The following RB1 variants were observed in gnomAD, a reference collection of about 807,000 sequenced individuals.
RB1 encodes the protein RB transcriptional corepressor 1.
A neutral mutation model predicts 135.4 loss-of-function variants in RB1; 18 were observed. The observed-to-expected ratio is 0.13, with a 90% CI of 0.09 to 0.20. RB1 has a LOEUF of 0.20. Ranked by LOEUF, RB1 falls within the 10% of genes least tolerant of loss-of-function variation. The probability of loss-of-function intolerance (pLI) is 1.00; values close to 1 mark genes in which losing one functional copy is unlikely to be tolerated. For synonymous variants in RB1, 365 were observed against 373.2 expected, an observed-to-expected ratio of 0.98 and a Z score of 0.25; for missense variants, 868 against 1,110.0, an observed-to-expected ratio of 0.78 and a Z score of 3.10.
At chr13:48,433,583 C>A (rs1174907707) in intron 17 of RB1, among the ~76,000 whole-genome samples, 1 of 151,914 alleles carries the variant, frequency 6.6e-6, no homozygotes, top group Admixed American at 6.6e-5. Flanking sequence ...TAAATGAAAC[C>A]ATTTTTTATA....
intron 17 of RB1, among the ~76,000 whole-genome samples, chr13:48,397,413 T>C (rs1182802390): frequency 6.6e-6 from 1 of 152,112 alleles, no homozygotes; most frequent in Non-Finnish European, 1.5e-5. Flanking sequence ...AAACAACACA[T>C]GTTTTCACTT....
chr13:48,442,665 A>T (rs1482553535), intron 17 of RB1, among the ~76,000 whole-genome samples: 1 of 152,152 alleles, frequency 6.6e-6, no homozygotes, highest in Non-Finnish European at 1.5e-5. Flanking sequence ...CATTCAGATA[A>T]GTGACTATTT....
intron 17 of RB1, among the ~76,000 whole-genome samples, chr13:48,450,639 A>G (rs1309689925): frequency 6.6e-6 from 1 of 152,050 alleles, no homozygotes; most frequent in Non-Finnish European, 1.5e-5. Context: ...TGTCTTGGAT[A>G]TTTGCGCTCT....
chr13:48,304,235 T>G (rs1334277265), intron 1 of RB1, among the ~76,000 whole-genome samples, 186 bp downstream of exon 1: 2 of 151,148 alleles, frequency 1.3e-5, no homozygotes, highest in Non-Finnish European at 1.5e-5. Flanking sequence ...TCTGGGTTCT[T>G]GGGCGAGGGG....
At chr13:48,437,802 C>A (rs897361859) in intron 17 of RB1, among the ~76,000 whole-genome samples, 1 of 152,180 alleles carries the variant, frequency 6.6e-6, no homozygotes, top group African/African-American at 2.4e-5. Context: ...TGCCCTATGT[C>A]ATTGGCCCAC....
chr13:48,342,552 G>A (rs2138083302), intron 2 of RB1, 47 bp from the exon 3 acceptor site: 8 of 1,129,222 alleles, frequency 7.1e-6, no homozygotes, highest in Non-Finnish European at 9.4e-6. Context: ...AGTATCCAGT[G>A]TGTGAATTAT....
chr13:48,342,130 A>G (rs1952450092), intron 2 of RB1, among the ~76,000 whole-genome samples: 1 of 151,996 alleles, frequency 6.6e-6, no homozygotes, highest in Admixed American at 6.6e-5. Context: ...AGGAACTGAA[A>G]CATGAAATAC....
At chr13:48,360,274 A>G in intron 7 of RB1, 147 bp downstream of exon 7, 1 of 1,463,166 alleles carries the variant, frequency 6.8e-7, no homozygotes, top group East Asian at 2.5e-5. Context: ...TGTAAGTTAT[A>G]GAAGGAAAGA....
intron 17 of RB1, among the ~76,000 whole-genome samples, chr13:48,388,310 G>C (rs1948585602): frequency 6.6e-6 from 1 of 152,066 alleles, no homozygotes; most frequent in Non-Finnish European, 1.5e-5. Flanking sequence ...GATTGAATGA[G>C]GTTTGCTTGG....
intron 24 of RB1, chr13:48,476,419 C>G (rs1265363682): frequency 2.1e-5 from 8 of 385,168 alleles, no homozygotes; most frequent in Non-Finnish European, 3.4e-5. Flanking sequence ...AAATGAGGAA[C>G]CAGGACTTGC....
chr13:48,371,303 A>G (rs1347497578), intron 11 of RB1, among the ~76,000 whole-genome samples: 1 of 151,910 alleles, frequency 6.6e-6, no homozygotes, highest in Non-Finnish European at 1.5e-5. Context: ...TGAGAAATAG[A>G]CCTGTCAGTC....
chr13:48,333,441 T>C (rs1438154960), intron 2 of RB1, among the ~76,000 whole-genome samples: 2 of 152,228 alleles, frequency 1.3e-5, no homozygotes, highest in Non-Finnish European at 2.9e-5. Flanking sequence ...CTTTCCTATA[T>C]GGTTATACCT....
chr13:48,393,498 GA>G (rs1948626136), intron 17 of RB1, among the ~76,000 whole-genome samples: 1 of 152,166 alleles, frequency 6.6e-6, no homozygotes, highest in African/African-American at 2.4e-5. Flanking sequence ...TGTGTAAAAA[GA>G]ATTCTTTTAT....
At chr13:48,325,908 G>T (rs1008666497) in intron 2 of RB1, among the ~76,000 whole-genome samples, 1 of 152,024 alleles carries the variant, frequency 6.6e-6, no homozygotes, top group Non-Finnish European at 1.5e-5. Flanking sequence ...TTTTAAATTT[G>T]CTCATAGAAT....
chr13:48,436,096 T>C (rs1269992159), intron 17 of RB1, among the ~76,000 whole-genome samples: 1 of 152,204 alleles, frequency 6.6e-6, no homozygotes, highest in Non-Finnish European at 1.5e-5. Context: ...TAACTGAGGA[T>C]AATTTTAAGA....
intron 17 of RB1, among the ~76,000 whole-genome samples, chr13:48,425,760 G>A (rs138142454): frequency 3.3e-4 from 50 of 152,252 alleles, no homozygotes; most frequent in African/African-American, 1.2e-3. Context: ...TAAAAGGAGA[G>A]TATTAAATTA....
At chr13:48,393,596 A>G (rs555564701) in intron 17 of RB1, among the ~76,000 whole-genome samples, 1 of 152,338 alleles carries the variant, frequency 6.6e-6, no homozygotes, top group South Asian at 2.1e-4. Context: ...CGTAAGGCTT[A>G]GTGATTGATG....
chr13:48,349,561 G>T (rs1952528258), intron 6 of RB1, among the ~76,000 whole-genome samples: 1 of 151,716 alleles, frequency 6.6e-6, no homozygotes, highest in African/African-American at 2.4e-5. Flanking sequence ...TAAAAAGCAA[G>T]AAACTAAAGC....
chr13:48,365,068 A>G, intron 9 of RB1, 97 bp downstream of exon 9: 4 of 1,242,398 alleles, frequency 3.2e-6, no homozygotes, highest in South Asian at 1.7e-5. Context: ...TGTGTATCAC[A>G]TTTTTTTTTT....
Sources: gnomAD v4.1 joint callset for allele counts (sites outside exome capture counted in the v4.1 genomes callset) on GRCh38, gnomAD v4.1.1 for gene constraint, MANE v1.5 for transcripts, NCBI Gene and HGNC (gene_info 2026-07-23, HGNC 2026-07-21) for gene names.